The following C1orf167 variants were observed in gnomAD, a reference collection of about 807,000 sequenced individuals.
C1orf167 encodes chromosome 1 open reading frame 167, also known as uncharacterized protein C1orf167.
C1orf167 carries 153 observed loss-of-function variants against 176.5 expected under a neutral mutation model. That is an observed-to-expected ratio of 0.87 (90% CI 0.76 to 0.99). The LOEUF is 0.99. Ranked by LOEUF, C1orf167 falls within the 50% of genes least tolerant of loss-of-function variation. The probability of loss-of-function intolerance (pLI) is 0.00; values close to 1 mark genes in which losing one functional copy is unlikely to be tolerated. For synonymous variants in C1orf167, 594 were observed against 752.7 expected (o/e 0.79, Z 3.45); for missense variants, 1,490 against 1,817.7 (o/e 0.82, Z 3.28).
At position 11,775,436 on chromosome 1, in the gene C1orf167, T is replaced by C; in HGVS notation, c.1990T>C (p.Cys664Arg). The change falls in exon 9 of 21, where the codon TGC (cysteine) becomes CGC (arginine). Residue 664 changes from cysteine (C) to arginine (R), a missense_variant and splice_region_variant. By Grantham distance (180) the Cys-to-Arg change is radical (BLOSUM62 -3). Coordinates refer to ENST00000688073, the MANE Select transcript of C1orf167 (RefSeq NM_001010881.2). Reference sequence around the variant, plus strand: ...GGTACTTTCCCTCTGTTCTCCCAGGTGCTTCGGGGCGTGGCAGCAGTTCGT... The same window carrying C: ...GGTACTTTCCCTCTGTTCTCCCAGGCGCTTCGGGGCGTGGCAGCAGTTCGT... ...PQHQRAWLCR[C>R]FGAWQQFVQR... The C allele has an allele frequency of 7.7e-7, 1 of 1,295,856 alleles. No individual in the cohort carries two copies. Among genetic ancestry groups the C allele is most frequent in the South Asian group, 1.3e-5 (1 of 79,914 alleles). The allele number at this position is 1,295,856 out of a possible 1,614,324, so 80.3% of individuals were successfully genotyped here. A position where few individuals can be genotyped will look rare whatever the true frequency, so the allele number is the denominator to read the frequency against.
Position 11,768,940 on chromosome 1 carries a change from C to T in C1orf167, c.1543-33C>T. The stretch of plus-strand genomic sequence containing the variant: ...TTCCCTTGGGAGGCAGATTCAAGGC[C>T]AACATCTCCTTTCCCCTTCTCTCTT... On this transcript the variant is annotated intron_variant, in intron 5 of 20. Transcript: ENST00000688073. This position sits in a 1 kb window ranked among gnomAD's most constrained non-coding sequence, Gnocchi z 4.5. 1 of 985,954 alleles carries T rather than the reference C, an allele frequency of 1.0e-6. No individual in the cohort carries two copies. The highest frequency in any genetic ancestry group is 1.2e-6 in the Non-Finnish European group (1 of 829,984). 61.1% of individuals were successfully genotyped at this position (985,954 alleles called of 1,614,324 possible). A position where few individuals can be genotyped will look rare whatever the true frequency, so the allele number is the denominator to read the frequency against.
chr1:11,779,788 C>T lies in C1orf167; in HGVS notation c.2652-14C>T. On this transcript the variant is annotated splice_polypyrimidine_tract_variant and intron_variant, in intron 12 of 20. Transcript: ENST00000688073. ...GACAGTGGCCATCCTCAGGGTGGAC[C>T]CTCCCTTTCCCAGCATCTTCCTCAG... The T allele has an allele frequency of 7.7e-7, 1 of 1,292,092 alleles. No homozygotes were observed. The highest frequency in any genetic ancestry group is 1.0e-6 in the Non-Finnish European group (1 of 981,510). 80.0% of individuals were successfully genotyped at this position (1,292,092 alleles called of 1,614,324 possible).
At chr1:11,785,469 C>T (rs1429976771) in intron 16 of C1orf167, among the ~76,000 whole-genome samples, 180 bp downstream of exon 16, 1 of 152,216 alleles carries the variant, frequency 6.6e-6, no homozygotes, top group Non-Finnish European at 1.5e-5. Flanking sequence ...CCGGTGGTGG[C>T]AGCATGGCTG....
rs549391274 is a variant in C1orf167, at chr1:11,765,666, C to G, written c.71-191C>G. 9.9e-5 allele frequency among the ~76,000 whole-genome samples: 15 copies of G among 152,272 alleles called. No individual in the cohort carries two copies. In the East Asian group the frequency reaches 2.9e-3, roughly 29 times the overall value. ...TCCCTCTGTCCAGCTCCAAGACCCC[C>G]CTACTCCAAGAGCCCCCGGGGCTGC... is the stretch of plus-strand genomic sequence containing the variant. On this transcript the variant is annotated intron_variant, in intron 2 of 20. Transcript: ENST00000688073.
At chr1:11,783,385 T>A (rs1439345147) in intron 14 of C1orf167, among the ~76,000 whole-genome samples, 1 of 152,012 alleles carries the variant, frequency 6.6e-6, no homozygotes, top group Admixed American at 6.5e-5. Flanking sequence ...GTAGCTGGGA[T>A]TACAGGCATG....
chr1:11,788,232 T>C lies in C1orf167; in HGVS notation c.3932T>C (p.Leu1311Pro), dbSNP rs1322935423. 1.5e-6 allele frequency: 2 copies of C among 1,303,756 alleles called. No homozygotes were observed. Among genetic ancestry groups the C allele is most frequent in the African/African-American group, 1.5e-5 (1 of 65,878 alleles). 80.8% of individuals were successfully genotyped at this position (1,303,756 alleles called of 1,614,324 possible). ...LLLALKGHDA[L>P]GHQEEVPAAP... is the part of the protein sequence containing the mutation. Reference sequence around the variant, plus strand: ...CTGGCCCTGAAGGGTCACGATGCTCTTGGCCATCAGGAGGAAGTACCTGCA... The same window carrying C: ...CTGGCCCTGAAGGGTCACGATGCTCCTGGCCATCAGGAGGAAGTACCTGCA... Residue 1311 changes from leucine to proline, a missense_variant, in exon 19 of 21, where the codon CTT (leucine) becomes CCT (proline). Transcript: ENST00000688073.
At chr1:11,773,829 G>A (rs1643191068) in intron 8 of C1orf167, among the ~76,000 whole-genome samples, 1 of 152,108 alleles carries the variant, frequency 6.6e-6, no homozygotes, top group Non-Finnish European at 1.5e-5. Flanking sequence ...ACATTTGCAA[G>A]TATATATTGT....
intron 10 of C1orf167, 162 bp from the exon 11 acceptor site, chr1:11,778,498 T>G (rs991622058): frequency 4.7e-4 from 239 of 505,190 alleles, no homozygotes; most frequent in Non-Finnish European, 6.5e-4. Context: ...GCAGCCGCTG[T>G]GGGGGGCAGC....
intron 9 of C1orf167, 33 bp downstream of exon 9, chr1:11,775,643 C>A: frequency 7.8e-7 from 1 of 1,284,474 alleles, no homozygotes; most frequent in Non-Finnish European, 1.0e-6. Context: ...CCCAGCAAAC[C>A]GTGTCACTTA....
intron 1 of C1orf167, among the ~76,000 whole-genome samples, 152 bp downstream of exon 1, chr1:11,762,457 C>T (rs957486789): frequency 6.6e-6 from 1 of 152,044 alleles, no homozygotes; most frequent in Non-Finnish European, 1.5e-5. Context: ...AGAAATGGAC[C>T]GAAGAGCTCC....
chr1:11,766,342 G>A lies in C1orf167; in HGVS notation c.556G>A (p.Ala186Thr). The A allele has an allele frequency of 1.6e-6, 2 of 1,278,826 alleles. No individual in the cohort carries two copies. The highest frequency in any genetic ancestry group is 2.5e-5 in the Admixed American group (1 of 40,772). The allele number at this position is 1,278,826 out of a possible 1,614,324, so 79.2% of individuals were successfully genotyped here. A position where few individuals can be genotyped will look rare whatever the true frequency, so the allele number is the denominator to read the frequency against. ...TAGCGGGGACTTCAGGCCCACTGAA[G>A]CCTTTGCCCCTCTCGATGGGCATAC... ...TPSGDFRPTEAFAPLDGHTQP... is the reference protein window; with the variant it reads ...TPSGDFRPTETFAPLDGHTQP... The change falls in exon 3 of 21, where the codon GCC becomes ACC. Residue 186 changes from alanine (A) to threonine (T), a missense_variant. Ala to Thr is a moderately conservative substitution (Grantham distance 58). Transcript: ENST00000688073. This position sits in a 1 kb window ranked among gnomAD's most constrained non-coding sequence, Gnocchi z 4.5.
At position 11,775,441 on chromosome 1, in the gene C1orf167, C is replaced by T. The variant is rs763269162; in HGVS notation, c.1995C>T (p.Phe665=). ...QHQRAWLCRC[F]GAWQQFVQRG... is the part of the protein sequence containing the mutation. Reference sequence around the variant, plus strand: ...TTTCCCTCTGTTCTCCCAGGTGCTTCGGGGCGTGGCAGCAGTTCGTGCAAA... The same window carrying T: ...TTTCCCTCTGTTCTCCCAGGTGCTTTGGGGCGTGGCAGCAGTTCGTGCAAA... The change falls in exon 9 of 21, where the codon TTC becomes TTT. Residue 665 remains phenylalanine (F), a synonymous_variant. Transcript: ENST00000688073. 6.2e-6 allele frequency: 8 copies of T among 1,297,746 alleles called. No individual in the cohort carries two copies. Among genetic ancestry groups the T allele is most frequent in the African/African-American group, 1.5e-5 (1 of 65,710 alleles). The allele number at this position is 1,297,746 out of a possible 1,614,324, so 80.4% of individuals were successfully genotyped here. A position where few individuals can be genotyped will look rare whatever the true frequency, so the allele number is the denominator to read the frequency against.
rs1280681935 is a variant in C1orf167, at chr1:11,766,394, G to A, written c.608G>A (p.Gly203Asp). 1.6e-6 allele frequency: 2 copies of A among 1,272,762 alleles called. No individual in the cohort carries two copies. Among genetic ancestry groups the A allele is most frequent in the African/African-American group, 1.5e-5 (1 of 65,180 alleles). 78.8% of individuals were successfully genotyped at this position (1,272,762 alleles called of 1,614,324 possible). Reference protein sequence around the residue: ...HTQPGLRSWGGLGSWRSRLVG... With the variant: ...HTQPGLRSWGDLGSWRSRLVG... ...CAGCCAGGCCTCAGATCCTGGGGTG[G>A]TCTGGGGAGCTGGAGGTCCAGGCTG... Residue 203 changes from glycine to aspartate, a missense_variant, in exon 3 of 21, where the codon GGT becomes GAT. Gly to Asp is a moderately conservative substitution (Grantham distance 94). Transcript: ENST00000688073. The surrounding 1 kb of genome is among the most constrained non-coding windows in gnomAD (Gnocchi z 4.5).
chr1:11,768,281 C>T lies in C1orf167; in HGVS notation c.1542+6C>T, dbSNP rs988006408. 3.0e-5 allele frequency: 39 copies of T among 1,289,642 alleles called. No individual in the cohort carries two copies. Among genetic ancestry groups the T allele is most frequent in the East Asian group, 1.1e-4 (2 of 18,018 alleles). The allele number at this position is 1,289,642 out of a possible 1,614,324, so 79.9% of individuals were successfully genotyped here. On this transcript the variant is annotated splice_donor_region_variant and intron_variant, in intron 5 of 20. Coordinates refer to ENST00000688073, the MANE Select transcript of C1orf167 (RefSeq NM_001010881.2). This position sits in a 1 kb window ranked among gnomAD's most constrained non-coding sequence, Gnocchi z 4.5. ...TGGTCCGGAGCTTCCGAGAGGTCAGCGGTCTCCAGGTTGGGCCAGGGGGCC... is the reference window on the plus strand; with the variant it reads ...TGGTCCGGAGCTTCCGAGAGGTCAGTGGTCTCCAGGTTGGGCCAGGGGGCC...
At chr1:11,776,114 G>A (rs1473706727) in intron 9 of C1orf167, among the ~76,000 whole-genome samples, 6 of 152,166 alleles carry the variant, frequency 3.9e-5, no homozygotes, top group Non-Finnish European at 8.8e-5. Context: ...AAACTTAGCC[G>A]GGTGTGGTGG....
At chr1:11,788,794 C>A in intron 20 of C1orf167, 48 bp downstream of exon 20, 3 of 1,292,180 alleles carry the variant, frequency 2.3e-6, no homozygotes, top group Non-Finnish European at 3.1e-6. Flanking sequence ...TCCACTCAGC[C>A]AGCCTTCCAG....
At chr1:11,782,422 T>G in intron 14 of C1orf167, 89 bp downstream of exon 14, 1 of 1,125,794 alleles carries the variant, frequency 8.9e-7, no homozygotes, top group Non-Finnish European at 1.1e-6. Flanking sequence ...GCTCAGACGG[T>G]GGCCCAGATA....
chr1:11,787,723 T>TGG (rs1298665760), intron 17 of C1orf167, 150 bp from the exon 18 acceptor site: 3 of 1,109,434 alleles, frequency 2.7e-6, no homozygotes, highest in African/African-American at 3.3e-5. Context: ...CGGGAGAGGC[T>TGG]GGAGGCCTGG....
At chr1:11,787,814 A>G (rs751569155) in intron 17 of C1orf167, 59 bp from the exon 18 acceptor site, 2 of 1,183,322 alleles carry the variant, frequency 1.7e-6, no homozygotes, top group Non-Finnish European at 2.2e-6. Context: ...GGCGGGCACT[A>G]AGAGCAGCTG....
Sources: allele counts gnomAD v4.1 joint callset (sites outside exome capture counted in the v4.1 genomes callset), GRCh38; gene constraint gnomAD v4.1.1; non-coding constraint Gnocchi (gnomAD v3.1); transcripts MANE v1.5; gene names NCBI Gene and HGNC (gene_info 2026-07-23, HGNC 2026-07-21).